Variants in SAP30BP observed in about 807,000 individuals in gnomAD.
SAP30BP encodes the protein SAP30-binding protein.
Under a neutral mutation model 46.3 loss-of-function variants are expected in SAP30BP, and 31 were observed. That is an observed-to-expected ratio of 0.67 (90% CI 0.50 to 0.90). The LOEUF is 0.90. Among genes scored for constraint, SAP30BP ranks in the 40% least tolerant of loss-of-function variants. The probability of loss-of-function intolerance (pLI) is 0.00; values close to 1 mark genes in which losing one functional copy is unlikely to be tolerated. For synonymous variants in SAP30BP, 169 were observed against 144.2 expected, an observed-to-expected ratio of 1.17 and a Z score of -1.23; for missense variants, 312 against 391.0, an observed-to-expected ratio of 0.80 and a Z score of 1.70.
intron 2 of SAP30BP, 31 bp downstream of exon 2, chr17:75,668,656 G>A (rs2059851343): frequency 1.4e-6 from 2 of 1,399,606 alleles, no homozygotes; most frequent in East Asian, 2.3e-5. Context: ...CAGAGCTACT[G>A]AAAGCACAAT....
chr17:75,680,481 A>C (rs781659151), intron 3 of SAP30BP, among the ~76,000 whole-genome samples: 1 of 152,246 alleles, frequency 6.6e-6, no homozygotes, highest in East Asian at 1.9e-4. Context: ...ACAGGCCTGT[A>C]ACTTAAGCTT....
In SAP30BP at chr17:75,703,840, C is replaced by T. The variant is rs2060452903; in HGVS notation, c.582C>T (p.Asp194=). The change falls in exon 8 of 11, where the codon GAC becomes GAT. Residue 194 remains aspartate, a synonymous_variant. Coordinates refer to ENST00000584667, the MANE Select transcript of SAP30BP (RefSeq NM_013260.8). ...DMFDPHGWSE[D]SYYEALAKAQ... is the part of the protein sequence containing the mutation. ...TTGATCCCCATGGCTGGTCTGAGGA[C>T]TCCTACTATGAGGCATTAGGTAGCC... is the stretch of plus-strand genomic sequence containing the variant. 1 of 1,613,440 alleles carries T rather than the reference C, an allele frequency of 6.2e-7. No individual in the cohort carries two copies. The highest frequency in any genetic ancestry group is 8.5e-7 in the Non-Finnish European group (1 of 1,179,334).
intron 5 of SAP30BP, among the ~76,000 whole-genome samples, chr17:75,700,582 C>T (rs778500288): frequency 1.3e-5 from 2 of 152,192 alleles, no homozygotes; most frequent in African/African-American, 2.4e-5. Context: ...CCCGTGACAC[C>T]GCCCTAACGG....
intron 3 of SAP30BP, among the ~76,000 whole-genome samples, chr17:75,687,913 T>TTG (rs2060181095): frequency 7.6e-6 from 1 of 131,116 alleles, no homozygotes; most frequent in African/African-American, 3.0e-5. Flanking sequence ...CTGACAGTGT[T>TTG]TGGGGTGTGT....
intron 6 of SAP30BP, 56 bp from the exon 7 acceptor site, chr17:75,703,255 G>T: frequency 6.6e-7 from 1 of 1,522,970 alleles, no homozygotes; most frequent in Non-Finnish European, 9.1e-7. Context: ...GGATGGTTCA[G>T]GTCCCATGCA....
intron 3 of SAP30BP, chr17:75,690,652 T>G: frequency 2.2e-6 from 1 of 456,322 alleles, no homozygotes; most frequent in Non-Finnish European, 4.4e-6. Context: ...GAACTTAGGT[T>G]GTTGTCTTTC....
intron 3 of SAP30BP, chr17:75,684,738 G>C (rs2060132174): frequency 6.6e-6 from 1 of 152,312 alleles, no homozygotes; most frequent in Non-Finnish European, 1.5e-5. Context: ...CTGAGGTCTA[G>C]GGTTCTGGGG....
chr17:75,677,611 T>TG (rs1158443678), intron 3 of SAP30BP, among the ~76,000 whole-genome samples: 2 of 149,094 alleles, frequency 1.3e-5, no homozygotes, highest in African/African-American at 4.9e-5. Context: ...TTTGTATTTT[T>TG]TTTTTTTTTT....
chr17:75,668,441 C>A, intron 1 of SAP30BP, 75 bp from the exon 2 acceptor site: 1 of 901,576 alleles, frequency 1.1e-6, no homozygotes, highest in Non-Finnish European at 1.7e-6. Flanking sequence ...AATCTCTGGA[C>A]ATTTTTTCTT....
intron 3 of SAP30BP, among the ~76,000 whole-genome samples, chr17:75,680,249 G>A (rs1349211337): frequency 6.6e-6 from 1 of 152,106 alleles, no homozygotes; most frequent in Admixed American, 6.6e-5. Flanking sequence ...CCGTCTTCTG[G>A]GTCAAGGAGG....
intron 3 of SAP30BP, among the ~76,000 whole-genome samples, chr17:75,685,708 C>T (rs1048256536): frequency 3.9e-5 from 6 of 152,110 alleles, no homozygotes; most frequent in African/African-American, 1.4e-4. Flanking sequence ...CTCCCCCCAA[C>T]CCCCCAAATA....
chr17:75,674,164 T>C (rs2059948090), intron 3 of SAP30BP, among the ~76,000 whole-genome samples: 1 of 152,198 alleles, frequency 6.6e-6, no homozygotes, highest in Admixed American at 6.5e-5. Context: ...ATGAGTCTTC[T>C]GTGATACTCT....
In SAP30BP at chr17:75,707,012, C is replaced by G. The variant is rs1416658482; in HGVS notation, c.*491C>G. Reference sequence around the variant, plus strand: ...TATGCCCCATCTGCCGCCTTGATCCCAAAACCCAGCCAGTTCTCGGGTGAT... The same window carrying G: ...TATGCCCCATCTGCCGCCTTGATCCGAAAACCCAGCCAGTTCTCGGGTGAT... On this transcript the variant is annotated 3_prime_UTR_variant, in exon 11 of 11. Coordinates refer to ENST00000584667, the MANE Select transcript of SAP30BP (RefSeq NM_013260.8). 6.0e-6 allele frequency: 1 copy of G among 167,060 alleles called. No homozygotes were observed. Among genetic ancestry groups the G allele is most frequent in the Non-Finnish European group, 1.3e-5 (1 of 75,842 alleles). The allele number at this position is 167,060 out of a possible 1,614,324, so 10.3% of individuals were successfully genotyped here. A position where few individuals can be genotyped will look rare whatever the true frequency, so the allele number is the denominator to read the frequency against.
At chr17:75,703,964 T>C in intron 8 of SAP30BP, 105 bp downstream of exon 8, 6 of 867,668 alleles carry the variant, frequency 6.9e-6, no homozygotes, top group South Asian at 6.7e-5. Context: ...GTCTACTCTA[T>C]GTCAGGCCAT....
intron 9 of SAP30BP, chr17:75,705,350 C>G (rs2060479526): frequency 6.1e-6 from 1 of 164,900 alleles, no homozygotes; most frequent in Admixed American, 5.7e-5. Flanking sequence ...TGTGACCAGT[C>G]TCAGAGCCGG....
intron 6 of SAP30BP, 62 bp downstream of exon 6, chr17:75,702,633 C>A: frequency 3.8e-6 from 3 of 784,070 alleles, no homozygotes; most frequent in Non-Finnish European, 6.4e-6. Context: ...AGGACTAAGA[C>A]GTCCCCAAGG....
chr17:75,667,470 G>T lies in SAP30BP; in HGVS notation c.98G>T (p.Ser33Ile). The part of the protein sequence containing the change: ...DGEAGIEAVG[S>I]AAEEKGGLVS... ...GAGGCTGGAATCGAGGCGGTGGGCA[G>T]CGCGGCTGGTAAGGCCCAAGTGCGA... The change falls in exon 1 of 11, where the codon AGC becomes ATC. Residue 33 changes from serine to isoleucine, a missense_variant. Physicochemically the swap from Ser to Ile is moderately radical, Grantham distance 142. Around this residue, in one of 2 missense-constraint regions of SAP30BP, gnomAD observed 296 missense variants for 346.6 expected, o/e 0.85. Coordinates refer to ENST00000584667, the MANE Select transcript of SAP30BP (RefSeq NM_013260.8). 6.2e-7 allele frequency: 1 copy of T among 1,614,098 alleles called. No individual in the cohort carries two copies. The highest frequency in any genetic ancestry group is 1.6e-4 in the Middle Eastern group (1 of 6,062).
chr17:75,676,366 T>G (rs1412744313), intron 3 of SAP30BP, among the ~76,000 whole-genome samples: 2 of 152,248 alleles, frequency 1.3e-5, no homozygotes, highest in Admixed American at 1.3e-4. Context: ...TAGTATTTAT[T>G]AGTGACATCA....
intron 8 of SAP30BP, 33 bp downstream of exon 8, chr17:75,703,892 T>C: frequency 6.7e-7 from 1 of 1,493,554 alleles, no homozygotes. Flanking sequence ...ATATACCTTG[T>C]CCGCCCACCC....
Sources: allele counts gnomAD v4.1 joint callset (sites outside exome capture counted in the v4.1 genomes callset), GRCh38; gene constraint gnomAD v4.1.1; regional missense constraint gnomAD v4.1.1; transcripts MANE v1.5; gene names NCBI Gene and HGNC (gene_info 2026-07-23, HGNC 2026-07-21).